ITGA2B: variants seen among roughly 807,000 people sequenced by gnomAD.
ITGA2B encodes the protein integrin alpha-IIb.
A neutral mutation model predicts 142.0 loss-of-function variants in ITGA2B; 91 were observed. The ratio of observed to expected loss-of-function variants is 0.64; its 90% confidence interval spans 0.54 to 0.76. ITGA2B has a LOEUF of 0.76. ITGA2B is among the 30% of genes least tolerant of loss of function. ITGA2B has a pLI of 0.00. For missense variants in ITGA2B, 1,231 were observed against 1,350.8 expected, an observed-to-expected ratio of 0.91 and a Z score of 1.39; for synonymous variants, 536 against 567.2, an observed-to-expected ratio of 0.94 and a Z score of 0.78.
chr17:44,385,712 C>T lies in ITGA2B; in HGVS notation c.413G>A (p.Cys138Tyr). The change falls in exon 4 of 30, where the codon TGC (cysteine) becomes TAC (tyrosine). Residue 138 changes from cysteine (C) to tyrosine (Y), a missense_variant. This residue lies in a region of ITGA2B where 318 missense variants were observed against 312.2 expected (regional missense o/e 1.02). Transcript: ENST00000262407. ...GACGTTCCAGTGCTGCCAGGGGGCG[C>T]AGGCCTGGAGAAAGGCCACAGGAGT... ...VVSWSDVIVA[C>Y]APWQHWNVLE... 6.2e-7 allele frequency: 1 copy of T among 1,613,638 alleles called. No homozygotes were observed. Among genetic ancestry groups the T allele is most frequent in the Non-Finnish European group, 8.5e-7 (1 of 1,179,996 alleles).
chr17:44,382,730 C>G (rs909483855), intron 12 of ITGA2B, among the ~76,000 whole-genome samples: 2 of 151,808 alleles, frequency 1.3e-5, no homozygotes, highest in Non-Finnish European at 2.9e-5. Context: ...CTAATTGTAT[C>G]TTGCAGCAGC....
At chr17:44,374,584 CT>C in intron 28 of ITGA2B, 74 bp downstream of exon 28, 2 of 1,540,156 alleles carry the variant, frequency 1.3e-6, no homozygotes, top group Non-Finnish European at 1.8e-6. Context: ...ACCCCTCAGA[CT>C]TTTCTGGCTG....
At chr17:44,374,093 A>G (rs975845439) in intron 29 of ITGA2B, 5 of 445,212 alleles carry the variant, frequency 1.1e-5, no homozygotes, top group Admixed American at 6.9e-5. Flanking sequence ...TTTAGTAGAG[A>G]TGGGGTTTCA....
rs1248181062 is a variant in ITGA2B, at chr17:44,379,681, G to C, written c.1878+8C>G. ...GCACCTCCCTGGCCTGTCCCTGCCT[G>C]TCCCTACCTGCTCCTGCACATGGGT... On this transcript the variant is annotated splice_region_variant and intron_variant, in intron 18 of 29. Coordinates refer to ENST00000262407, the MANE Select transcript of ITGA2B (RefSeq NM_000419.5). The C allele has an allele frequency of 3.7e-6, 6 of 1,613,894 alleles. No individual in the cohort carries two copies. The highest frequency in any genetic ancestry group is 1.1e-5 in the South Asian group (1 of 91,084).
intron 25 of ITGA2B, 22 bp downstream of exon 25, chr17:44,375,811 C>T (rs1312027266): frequency 6.4e-7 from 1 of 1,564,234 alleles, no homozygotes; most frequent in Non-Finnish European, 8.7e-7. Flanking sequence ...CTTCCCAGGT[C>T]TTTCTTCCAC....
rs2048585004 is a variant in ITGA2B, at chr17:44,380,417, C to A, written c.1513G>T (p.Val505Phe). 6.2e-7 allele frequency: 1 copy of A among 1,614,038 alleles called. No individual in the cohort carries two copies. The change falls in exon 15 of 30, where the codon GTC becomes TTC. Residue 505 changes from valine (V) to phenylalanine (F), a missense_variant. Val to Phe is a conservative substitution (Grantham distance 50). Around this residue, in one of 3 missense-constraint regions of ITGA2B, gnomAD observed 908 missense variants for 1,021.1 expected, o/e 0.89. Coordinates refer to ENST00000262407, the MANE Select transcript of ITGA2B (RefSeq NM_000419.5). ...ACGGGTGTCTTGGTCTGAGGTAGGACACAGCTCTTCACAGCAGGATTCAGT... is the reference window on the plus strand; with the variant it reads ...ACGGGTGTCTTGGTCTGAGGTAGGAAACAGCTCTTCACAGCAGGATTCAGT... ...DSLNPAVKSCVLPQTKTPVSC... is the reference protein window; with the variant it reads ...DSLNPAVKSCFLPQTKTPVSC...
In ITGA2B at chr17:44,376,118, G is replaced by A; in HGVS notation, c.2415C>T (p.Asp805=). The change falls in exon 24 of 30, where the codon GAC becomes GAT. Residue 805 remains aspartate, a synonymous_variant. Coordinates refer to ENST00000262407, the MANE Select transcript of ITGA2B (RefSeq NM_000419.5). ...TGTGCTCCACTTTGGGTCCCCAGCT[G>A]TCCAAGCTGTTCTGCTCCCTCTCAC... The part of the protein sequence containing the change: ...EEGEREQNSL[D]SWGPKVEHTY... The A allele has an allele frequency of 1.2e-6, 2 of 1,614,138 alleles. No homozygotes were observed. Among genetic ancestry groups the A allele is most frequent in the Non-Finnish European group, 1.7e-6 (2 of 1,180,016 alleles).
intron 21 of ITGA2B, among the ~76,000 whole-genome samples, chr17:44,377,485 C>T (rs905995712): frequency 6.6e-6 from 1 of 152,160 alleles, no homozygotes; most frequent in Non-Finnish European, 1.5e-5. Context: ...TGAGCCACCG[C>T]ACCAGGCCAC....
At position 44,385,555 on chromosome 17, in the gene ITGA2B, A is replaced by G; in HGVS notation, c.570T>C (p.Asp190=). Residue 190 remains aspartate (D), a synonymous_variant, in exon 4 of 30, where the codon GAT becomes GAC. Coordinates refer to ENST00000262407, the MANE Select transcript of ITGA2B (RefSeq NM_000419.5). ...NTLSRIYVEN[D]FSWDKRYCEA... is the part of the protein sequence containing the mutation. ...CAGGTCGTAGCTGGCGCTTACTAAA[A>G]TCATTTTCCACGTAAATGCGGCTCA... The G allele has an allele frequency of 6.3e-7, 1 of 1,577,992 alleles. No individual in the cohort carries two copies. Among genetic ancestry groups the G allele is most frequent in the Non-Finnish European group, 8.6e-7 (1 of 1,165,974 alleles).
At chr17:44,373,882 G>T in intron 29 of ITGA2B, 1 of 207,254 alleles carries the variant, frequency 4.8e-6, no homozygotes, top group Non-Finnish European at 9.9e-6. Flanking sequence ...TGCCTTTTTT[G>T]CTCTACTAGA....
At position 44,375,101 on chromosome 17, in the gene ITGA2B, G is replaced by A. The variant is rs962164705; in HGVS notation, c.2738C>T (p.Ser913Leu). The change falls in exon 27 of 30, where the codon TCG becomes TTG. Residue 913 changes from serine (S) to leucine (L), a missense_variant. Coordinates refer to ENST00000262407, the MANE Select transcript of ITGA2B (RefSeq NM_000419.5). The part of the protein sequence containing the change: ...LQDPVLVSCD[S>L]APCTVVQCDL... Reference sequence around the variant, plus strand: ...ACACTGCACCACAGTACAGGGCGCCGAGTCGCAGCTCTGAGGGGAAGCATC... The same window carrying A: ...ACACTGCACCACAGTACAGGGCGCCAAGTCGCAGCTCTGAGGGGAAGCATC... 15 of 1,549,000 alleles carry A rather than the reference G, an allele frequency of 9.7e-6. No individual in the cohort carries two copies. The Admixed American group carries it at 1.2e-4, about 12-fold the overall frequency.
chr17:44,385,868 G>T lies in ITGA2B; in HGVS notation c.364C>A (p.Gln122Lys). The change falls in exon 3 of 30, where the codon CAA becomes AAA. Residue 122 changes from glutamine (Q) to lysine (K), a missense_variant. Transcript: ENST00000262407. ...SQTLQTFKARQGLGASVVSWS... is the reference protein window; with the variant it reads ...SQTLQTFKARKGLGASVVSWS... ...CTGACGACCGACGCCCCCAGTCCTT[G>T]GCGGGCCTTGAAGGTTTGTAAAGTT... 6.2e-7 allele frequency: 1 copy of T among 1,606,714 alleles called. No homozygotes were observed. Among genetic ancestry groups the T allele is most frequent in the Non-Finnish European group, 8.5e-7 (1 of 1,176,084 alleles).
Position 44,376,097 on chromosome 17 carries a change from C to T in ITGA2B, c.2436G>A (p.Glu812=), listed in dbSNP as rs1567898930. ...GGCTCCCCAATACCTCATAGGTGTGCTCCACTTTGGGTCCCCAGCTGTCCA... is the reference window on the plus strand; with the variant it reads ...GGCTCCCCAATACCTCATAGGTGTGTTCCACTTTGGGTCCCCAGCTGTCCA... ...NSLDSWGPKV[E]HTYELHNNGP... Residue 812 remains glutamate, a synonymous_variant, in exon 24 of 30, where the codon GAG becomes GAA. Transcript: ENST00000262407. 2.5e-6 allele frequency: 4 copies of T among 1,614,052 alleles called. No individual in the cohort carries two copies. The highest frequency in any genetic ancestry group is 1.7e-5 in the Admixed American group (1 of 60,008).
At chr17:44,388,291 G>A (rs2048667114) in intron 1 of ITGA2B, among the ~76,000 whole-genome samples, 1 of 151,692 alleles carries the variant, frequency 6.6e-6, no homozygotes, top group Non-Finnish European at 1.5e-5. Context: ...GTGCGGGAGG[G>A]TAGACAACTT....
intron 23 of ITGA2B, 59 bp downstream of exon 23, chr17:44,376,249 C>T (rs963535818): frequency 4.3e-6 from 7 of 1,613,264 alleles, no homozygotes; most frequent in Middle Eastern, 1.6e-4. Flanking sequence ...GTTTCCCCAG[C>T]GCCCCCTGGA....
intron 11 of ITGA2B, 88 bp downstream of exon 11, chr17:44,383,806 G>A (rs576129740): frequency 1.9e-6 from 3 of 1,572,408 alleles, no homozygotes; most frequent in South Asian, 2.3e-5. Flanking sequence ...CAGTGGATAC[G>A]TGAGACTAGG....
chr17:44,385,503 G>A (rs1489692465), intron 4 of ITGA2B, 48 bp downstream of exon 4: 1 of 1,533,612 alleles, frequency 6.5e-7, no homozygotes, highest in South Asian at 1.2e-5. Flanking sequence ...ATGGGGGCGG[G>A]GCCAAGCCGT....
In ITGA2B at chr17:44,381,071, G is replaced by A. The variant is rs1427453620; in HGVS notation, c.1211-10C>T. ...GCAGCCACTGCAATGTCTGGAAGGAGTAACAGAAAGGAAGTGGCTGATTGT... is the reference window on the plus strand; with the variant it reads ...GCAGCCACTGCAATGTCTGGAAGGAATAACAGAAAGGAAGTGGCTGATTGT... On this transcript the variant is annotated splice_polypyrimidine_tract_variant and intron_variant, in intron 12 of 29. Transcript: ENST00000262407. The A allele has an allele frequency of 9.9e-6, 16 of 1,612,422 alleles. No individual in the cohort carries two copies. The highest frequency in any genetic ancestry group is 3.3e-4 in the Middle Eastern group (2 of 6,080).
At position 44,375,825 on chromosome 17, in the gene ITGA2B, G is replaced by C. The variant is rs1598376620; in HGVS notation, c.2601+8C>G. ...CCTTCCCAGGTCTTTCTTCCACCCAGCTCTTACCTTGAGAGGGTTGACAGG... is the reference window on the plus strand; with the variant it reads ...CCTTCCCAGGTCTTTCTTCCACCCACCTCTTACCTTGAGAGGGTTGACAGG... On this transcript the variant is annotated splice_region_variant and intron_variant, in intron 25 of 29. Transcript: ENST00000262407. The C allele has an allele frequency of 6.4e-7, 1 of 1,571,198 alleles. No homozygotes were observed. Among genetic ancestry groups the C allele is most frequent in the Middle Eastern group, 1.7e-4 (1 of 6,000 alleles).
Sources: allele counts gnomAD v4.1 joint callset (sites outside exome capture counted in the v4.1 genomes callset), GRCh38; gene constraint gnomAD v4.1.1; regional missense constraint gnomAD v4.1.1; transcripts MANE v1.5; gene names NCBI Gene and HGNC (gene_info 2026-07-23, HGNC 2026-07-21).